Variants in TTC6 observed in about 807,000 individuals in gnomAD.
TTC6 encodes the protein tetratricopeptide repeat domain 6.
Under a neutral mutation model 210.4 loss-of-function variants are expected in TTC6, and 172 were observed. The observed-to-expected ratio is 0.82, with a 90% CI of 0.72 to 0.93. The LOEUF is 0.93. Among genes scored for constraint, TTC6 ranks in the 40% least tolerant of loss-of-function variants. The probability of loss-of-function intolerance (pLI) is 0.00; values close to 1 mark genes in which losing one functional copy is unlikely to be tolerated. For missense variants in TTC6, 2,414 were observed against 2,318.1 expected (o/e 1.04, Z -0.85); for synonymous variants, 804 against 819.6 (o/e 0.98, Z 0.32).
intron 20 of TTC6, among the ~76,000 whole-genome samples, chr14:37,803,180 C>T (rs2096110859): frequency 6.6e-6 from 1 of 152,122 alleles, no homozygotes; most frequent in African/African-American, 2.4e-5. Flanking sequence ...CCAGCCTGTC[C>T]TCTGTGACTC....
Position 37,781,414 on chromosome 14 carries a change from G to A in TTC6, c.3267-6054G>A, listed in dbSNP as rs185299342. On this transcript the variant is annotated intron_variant, in intron 14 of 30. Coordinates refer to ENST00000553443, the Ensembl canonical transcript of TTC6. ...GCATTTTTTCATATGTCTGTTGGCTGCATAAATGTCTTTTTTTTGAAAAGT... is the reference window on the plus strand; with the variant it reads ...GCATTTTTTCATATGTCTGTTGGCTACATAAATGTCTTTTTTTTGAAAAGT... Among the ~76,000 whole-genome samples the A allele has an allele frequency of 5.6e-3, 847 of 152,246 alleles. 11 individuals are homozygous for A. The highest frequency in any genetic ancestry group is 0.019 in the African/African-American group (806 of 41,530).
chr14:37,623,257 C>T (rs962824371), intron 1 of TTC6, among the ~76,000 whole-genome samples: 17 of 152,218 alleles, frequency 1.1e-4, no homozygotes, highest in African/African-American at 4.1e-4. Context: ...GTTCAGAGAA[C>T]ATTAGCTGAA....
intron 3 of TTC6, among the ~76,000 whole-genome samples, chr14:37,686,293 G>A (rs192485923): frequency 6.6e-4 from 101 of 152,294 alleles, no homozygotes; most frequent in African/African-American, 2.3e-3. Flanking sequence ...TTAGAACAAT[G>A]CCTGACATAC....
chr14:37,712,431 T>C (rs1365742719), intron 5 of TTC6, among the ~76,000 whole-genome samples: 3 of 152,190 alleles, frequency 2.0e-5, no homozygotes, highest in African/African-American at 4.8e-5. Context: ...CCCTGTTCTT[T>C]TGTTTTCCTG....
intron 1 of TTC6, among the ~76,000 whole-genome samples, chr14:37,678,094 A>G (rs2095774399): frequency 6.6e-6 from 1 of 152,074 alleles, no homozygotes; most frequent in African/African-American, 2.4e-5. Context: ...TTTGGACATT[A>G]TGAATTTTAC....
chr14:37,813,993 C>T (rs967665756), intron 25 of TTC6, among the ~76,000 whole-genome samples: 1 of 152,220 alleles, frequency 6.6e-6, no homozygotes, highest in Admixed American at 6.5e-5. Context: ...TTCCAACTGG[C>T]TTAAGGTTCC....
chr14:37,821,402 G>A (rs1371643326), intron 26 of TTC6, among the ~76,000 whole-genome samples: 1 of 152,076 alleles, frequency 6.6e-6, no homozygotes, highest in African/African-American at 2.4e-5. Context: ...CCAATTATCA[G>A]GAAAGAGAGC....
At chr14:37,681,085 G>A (rs1373244998) in intron 2 of TTC6, among the ~76,000 whole-genome samples, 1 of 151,968 alleles carries the variant, frequency 6.6e-6, no homozygotes, top group African/African-American at 2.4e-5. Flanking sequence ...CTTATCACTG[G>A]CCTTATGATC....
exon 30 of TTC6, chr14:37,841,477 T>G: frequency 6.3e-7 from 1 of 1,590,680 alleles, no homozygotes; most frequent in Non-Finnish European, 8.5e-7. Context: ...CTTTAAAATT[T>G]GATCCAGAAA....
intron 14 of TTC6, among the ~76,000 whole-genome samples, chr14:37,776,391 G>T (rs911748854): frequency 7.2e-5 from 11 of 152,204 alleles, no homozygotes; most frequent in Non-Finnish European, 1.0e-4. Context: ...ACTTGTTTGT[G>T]TGGTTGCTTT....
At chr14:37,718,189 A>G (rs1414766584) in intron 6 of TTC6, among the ~76,000 whole-genome samples, 1 of 152,240 alleles carries the variant, frequency 6.6e-6, no homozygotes, top group Non-Finnish European at 1.5e-5. Flanking sequence ...AGGTCATAGA[A>G]TTAAAAATAC....
At chr14:37,632,716 C>T (rs2095672236) in intron 1 of TTC6, among the ~76,000 whole-genome samples, 1 of 152,184 alleles carries the variant, frequency 6.6e-6, no homozygotes, top group African/African-American at 2.4e-5. Context: ...AGCTGCACCC[C>T]CAGCCGCCCC....
chr14:37,789,138 C>CTAA (rs1053428962), intron 15 of TTC6, among the ~76,000 whole-genome samples: 1 of 151,866 alleles, frequency 6.6e-6, no homozygotes, highest in Non-Finnish European at 1.5e-5. Flanking sequence ...TTTTGCTAAG[C>CTAA]TAATAATAAT....
exon 26 of TTC6, chr14:37,817,644 C>T: frequency 6.2e-7 from 1 of 1,613,936 alleles, no homozygotes; most frequent in Non-Finnish European, 8.5e-7. Flanking sequence ...TGCCATGTGC[C>T]ATCACAGGTA....
At chr14:37,703,502 T>A (rs974284526) in intron 5 of TTC6, among the ~76,000 whole-genome samples, 3 of 152,180 alleles carry the variant, frequency 2.0e-5, no homozygotes, top group Non-Finnish European at 4.4e-5. Context: ...AATTTTTTTC[T>A]GCACTACCAA....
chr14:37,724,898 A>T (rs1038932151), exon 7 of TTC6: 10 of 1,508,954 alleles, frequency 6.6e-6, no homozygotes, highest in Non-Finnish European at 8.9e-6. Context: ...ATTTTCAAAG[A>T]TGTATGCTTA....
At chr14:37,673,553 T>A (rs2095762651) in intron 1 of TTC6, among the ~76,000 whole-genome samples, 1 of 152,138 alleles carries the variant, frequency 6.6e-6, no homozygotes, top group African/African-American at 2.4e-5. Flanking sequence ...GCAGCTGCTC[T>A]CTCTACTCCT....
At chr14:37,637,177 A>G (rs1405570513) in intron 1 of TTC6, among the ~76,000 whole-genome samples, 1 of 152,202 alleles carries the variant, frequency 6.6e-6, no homozygotes, top group East Asian at 1.9e-4. Context: ...ACCCACCTCA[A>G]TCTGTCTCAT....
At chr14:37,771,855 T>C (rs919608572) in intron 14 of TTC6, among the ~76,000 whole-genome samples, 2 of 152,232 alleles carry the variant, frequency 1.3e-5, no homozygotes, top group Non-Finnish European at 2.9e-5. Context: ...GAGGAACTGC[T>C]TTCCTTTGGA....
Sources: gnomAD v4.1 joint callset for allele counts (sites outside exome capture counted in the v4.1 genomes callset) on GRCh38, gnomAD v4.1.1 for gene constraint, MANE v1.5 for transcripts, NCBI Gene and HGNC (gene_info 2026-07-23, HGNC 2026-07-21) for gene names.